The following TNPO1 variants were observed in gnomAD, a reference collection of about 807,000 sequenced individuals.
TNPO1 encodes the protein transportin-1.
In TNPO1, 8 loss-of-function variants were observed where a neutral mutation model predicts 119.5. The observed-to-expected ratio is 0.07, with a 90% CI of 0.04 to 0.12. The LOEUF (loss-of-function observed/expected upper bound fraction) is 0.12. Ranked by LOEUF, TNPO1 falls within the 10% of genes least tolerant of loss-of-function variation. TNPO1 has a pLI of 1.00. For missense variants in TNPO1, 576 were observed against 1,089.8 expected, an observed-to-expected ratio of 0.53 and a Z score of 6.64; for synonymous variants, 362 against 363.0, an observed-to-expected ratio of 1.00 and a Z score of 0.03.
chr5:72,876,886 A>C (rs1328058973), intron 8 of TNPO1, among the ~76,000 whole-genome samples: 1 of 152,050 alleles, frequency 6.6e-6, no homozygotes, highest in African/African-American at 2.4e-5. Flanking sequence ...CGAGGTCAGG[A>C]GATCGAGACC....
intron 21 of TNPO1, 62 bp downstream of exon 21, chr5:72,900,143 A>C: frequency 7.2e-7 from 1 of 1,384,810 alleles, no homozygotes; most frequent in Non-Finnish European, 1.0e-6. Context: ...TCTCTATCTC[A>C]CTTTTAGATA....
chr5:72,906,275 CTTTTTTTTTTTTTTTTTTTTTTTTTT>C (rs869051297), intron 24 of TNPO1, among the ~76,000 whole-genome samples: 9 of 54,674 alleles, frequency 1.6e-4, no homozygotes, highest in African/African-American at 4.8e-4. Flanking sequence ...TTTTTTTTTT[CTTTTTTTTTTTTTTTTTTTTTTTTTT>C]TTTTTTTTTT....
intron 15 of TNPO1, among the ~76,000 whole-genome samples, chr5:72,892,665 C>T (rs1749150367): frequency 6.6e-6 from 1 of 152,118 alleles, no homozygotes; most frequent in Admixed American, 6.5e-5. Context: ...GGCCTATGCA[C>T]CTCCTCCCAA....
At chr5:72,850,876 T>G (rs1745494391) in intron 2 of TNPO1, among the ~76,000 whole-genome samples, 1 of 152,230 alleles carries the variant, frequency 6.6e-6, no homozygotes, top group Non-Finnish European at 1.5e-5. Flanking sequence ...TTGTTTTCAT[T>G]TGGAATGCTT....
chr5:72,868,431 CAAAAAAAAAAAAAAAA>C (rs200691585), intron 6 of TNPO1, among the ~76,000 whole-genome samples: 12 of 27,070 alleles, frequency 4.4e-4, no homozygotes, highest in East Asian at 3.0e-3. Flanking sequence ...GACTCCGTCT[CAAAAAAAAAAAAAAAA>C]AAAAAAAAAA....
intron 7 of TNPO1, among the ~76,000 whole-genome samples, chr5:72,875,205 C>G (rs548309747): frequency 3.9e-4 from 59 of 152,250 alleles, no homozygotes; most frequent in Non-Finnish European, 6.9e-4. Context: ...TCAGTGTATA[C>G]TAATATTTGT....
chr5:72,849,193 A>T (rs1163858146), intron 2 of TNPO1, among the ~76,000 whole-genome samples: 1 of 152,118 alleles, frequency 6.6e-6, no homozygotes, highest in Non-Finnish European at 1.5e-5. Flanking sequence ...CTGCACAATT[A>T]TGTAGGTCTT....
chr5:72,904,238 G>T (rs982546184), intron 23 of TNPO1, among the ~76,000 whole-genome samples: 1 of 152,154 alleles, frequency 6.6e-6, no homozygotes, highest in Non-Finnish European at 1.5e-5. Flanking sequence ...AATCACCCAA[G>T]ATTAAAGTTA....
intron 1 of TNPO1, among the ~76,000 whole-genome samples, chr5:72,817,743 G>A (rs1580351511): frequency 6.6e-6 from 1 of 152,334 alleles, no homozygotes; most frequent in South Asian, 2.1e-4. Flanking sequence ...ATTGCAAGAT[G>A]TATGGTGTAA....
intron 6 of TNPO1, among the ~76,000 whole-genome samples, chr5:72,866,413 G>A (rs1161543245): frequency 6.6e-6 from 1 of 152,112 alleles, no homozygotes; most frequent in Non-Finnish European, 1.5e-5. Flanking sequence ...CTAAGATAAT[G>A]AAAATGTGGC....
At chr5:72,895,691 T>C (rs980544111) in intron 18 of TNPO1, among the ~76,000 whole-genome samples, 3 of 152,216 alleles carry the variant, frequency 2.0e-5, no homozygotes, top group Admixed American at 6.5e-5. Context: ...AAGATACTTA[T>C]ATAGGGAGAC....
intron 7 of TNPO1, among the ~76,000 whole-genome samples, chr5:72,874,333 T>C (rs937565370): frequency 1.3e-5 from 2 of 152,100 alleles, no homozygotes; most frequent in East Asian, 1.9e-4. Flanking sequence ...GTCTAACATA[T>C]TGATGAAAAG....
Position 72,891,830 on chromosome 5 carries a change from G to T in TNPO1, c.1722G>T (p.Met574Ile). The part of the protein sequence containing the change: ...LNKPEYIQML[M>I]PPLIQKWNML... ...AATAGGAATATATTCAGATGCTAAT[G>T]CCTCCACTGATCCAGAAATGGAACA... is the stretch of plus-strand genomic sequence containing the variant. Residue 574 changes from methionine to isoleucine, a missense_variant, in exon 15 of 25, where the codon ATG (methionine) becomes ATT (isoleucine). By Grantham distance (10) the Met-to-Ile change is conservative. Around this residue, in one of 6 missense-constraint regions of TNPO1, gnomAD observed 23 missense variants for 105.8 expected, o/e 0.22. Transcript: ENST00000337273. 1 of 1,609,870 alleles carries T rather than the reference G, an allele frequency of 6.2e-7. No homozygotes were observed. The highest frequency in any genetic ancestry group is 8.5e-7 in the Non-Finnish European group (1 of 1,177,862).
At chr5:72,900,796 A>G (rs1406791072) in intron 21 of TNPO1, 178 bp from the exon 22 acceptor site, 3 of 413,006 alleles carry the variant, frequency 7.3e-6, no homozygotes, top group South Asian at 9.1e-5. Context: ...CTGTATTGAG[A>G]TAAGATGGGC....
chr5:72,914,337 G>T lies in TNPO1; in HGVS notation c.*5664G>T, dbSNP rs1750745394. The T allele has an allele frequency of 6.6e-6, 1 of 152,546 alleles. No homozygotes were observed. Among genetic ancestry groups the T allele is most frequent in the South Asian group, 2.1e-4 (1 of 4,826 alleles). The allele number at this position is 152,546 out of a possible 1,614,324, so 9.4% of individuals were successfully genotyped here. On this transcript the variant is annotated 3_prime_UTR_variant, in exon 25 of 25. Transcript: ENST00000337273. ...TACATTTGTATGATGTGACATAATA[G>T]ATGTGAATGTTAATCACTGCTTGAC...
intron 11 of TNPO1, among the ~76,000 whole-genome samples, chr5:72,884,174 C>T (rs143400700): frequency 6.6e-6 from 1 of 152,204 alleles, no homozygotes; most frequent in African/African-American, 2.4e-5. Context: ...CACCATTCTG[C>T]TTTCCTAGCA....
intron 11 of TNPO1, 87 bp from the exon 12 acceptor site, chr5:72,886,983 G>T: frequency 8.5e-7 from 1 of 1,176,360 alleles, no homozygotes; most frequent in Non-Finnish European, 1.1e-6. Flanking sequence ...CCGTATTAGA[G>T]ATACGAATAA....
At chr5:72,900,867 AATCATT>A (rs1342587301) in intron 21 of TNPO1, 101 bp from the exon 22 acceptor site, 9 of 607,712 alleles carry the variant, frequency 1.5e-5, no homozygotes, top group African/African-American at 5.8e-5. Context: ...CTTTTAATAT[AATCATT>A]ATCTATACTG....
chr5:72,871,782 G>A (rs142077506), intron 6 of TNPO1: 11 of 152,346 alleles, frequency 7.2e-5, no homozygotes, highest in African/African-American at 2.4e-4. Context: ...CAGCATAATG[G>A]GAATTGAAGT....
Sources: allele counts gnomAD v4.1 joint callset (sites outside exome capture counted in the v4.1 genomes callset), GRCh38; gene constraint gnomAD v4.1.1; regional missense constraint gnomAD v4.1.1; transcripts MANE v1.5; gene names NCBI Gene and HGNC (gene_info 2026-07-23, HGNC 2026-07-21).